The following CLUL1 variants were observed in gnomAD, a reference collection of about 807,000 sequenced individuals.
The protein encoded by CLUL1 is clusterin-like protein 1.
CLUL1 carries 43 observed loss-of-function variants against 49.4 expected under a neutral mutation model. That is an observed-to-expected ratio of 0.87 (90% CI 0.68 to 1.12). CLUL1 has a LOEUF of 1.12. Ranked by LOEUF, CLUL1 falls within the 50% of genes most tolerant of loss-of-function variation. The pLI is 0.00. For synonymous variants in CLUL1, 192 were observed against 184.9 expected (o/e 1.04, Z -0.31); for missense variants, 486 against 544.4 (o/e 0.89, Z 1.07).
chr18:647,313 C>T (rs949847933), intron 9 of CLUL1, among the ~76,000 whole-genome samples: 7 of 152,156 alleles, frequency 4.6e-5, no homozygotes, highest in African/African-American at 1.7e-4. Context: ...CACTGTGGGG[C>T]CTTTGAGTTT....
At chr18:605,311 T>G (rs1226434159) in intron 1 of CLUL1, among the ~76,000 whole-genome samples, 6 of 152,236 alleles carry the variant, frequency 3.9e-5, no homozygotes, top group Non-Finnish European at 8.8e-5. Flanking sequence ...AGGAACATTC[T>G]GTACAGTCAC....
At chr18:626,677 G>A (rs571220472) in intron 5 of CLUL1, among the ~76,000 whole-genome samples, 8 of 150,460 alleles carry the variant, frequency 5.3e-5, no homozygotes, top group Admixed American at 2.7e-4. Flanking sequence ...TGGGCAACAC[G>A]GTAAAACCCT....
intron 7 of CLUL1, among the ~76,000 whole-genome samples, chr18:634,799 A>T (rs1308815662): frequency 6.6e-6 from 1 of 152,088 alleles, no homozygotes; most frequent in African/African-American, 2.4e-5. Flanking sequence ...TTCCCCAGGA[A>T]GGAAATCATT....
intron 1 of CLUL1, among the ~76,000 whole-genome samples, chr18:600,477 TGTG>T (rs1190070338): frequency 1.6e-4 from 25 of 152,374 alleles, no homozygotes; most frequent in Non-Finnish European, 3.5e-4. Flanking sequence ...GTACAGTAGT[TGTG>T]TCTGTATATT....
At chr18:626,797 G>A (rs1567966119) in intron 5 of CLUL1, among the ~76,000 whole-genome samples, 1 of 147,630 alleles carries the variant, frequency 6.8e-6, no homozygotes, top group South Asian at 2.2e-4. Flanking sequence ...GGAGGCGGAG[G>A]TTGCAGTGAG....
intron 6 of CLUL1, among the ~76,000 whole-genome samples, chr18:632,941 G>A (rs905056680): frequency 6.6e-6 from 1 of 152,092 alleles, no homozygotes; most frequent in Admixed American, 6.5e-5. Context: ...GATCATTTGA[G>A]GTCAGGAGTT....
chr18:632,530 G>A (rs2074020226), intron 6 of CLUL1, among the ~76,000 whole-genome samples: 1 of 151,960 alleles, frequency 6.6e-6, no homozygotes, highest in African/African-American at 2.4e-5. Flanking sequence ...AGAAAAAGTG[G>A]TTCACAATCA....
chr18:645,792 T>A lies in CLUL1; in HGVS notation c.1397+695T>A, dbSNP rs2074463291. Among the ~76,000 whole-genome samples, 3 of 16,090 alleles carry A rather than the reference T, an allele frequency of 1.9e-4. 1 individual carries two copies. The highest frequency in any genetic ancestry group is 2.6e-4 in the African/African-American group (1 of 3,914). 10.6% of individuals were successfully genotyped at this position (16,090 alleles called of 152,430 possible). ...CTGGGCGACAGAGCGAGACTCTGTT[T>A]AAAAAAAAAAAAAAAAAAATATATA... On this transcript the variant is annotated intron_variant, in intron 9 of 9. Coordinates refer to ENST00000692774, the MANE Select transcript of CLUL1 (RefSeq NM_001393344.1).
At chr18:612,142 C>T (rs1443680337) in intron 2 of CLUL1, among the ~76,000 whole-genome samples, 1 of 152,240 alleles carries the variant, frequency 6.6e-6, no homozygotes, top group Non-Finnish European at 1.5e-5. Context: ...ACCTTGCTTT[C>T]CCATAGTCCA....
At chr18:621,305 T>C (rs1280163555) in intron 4 of CLUL1, among the ~76,000 whole-genome samples, 49 of 152,190 alleles carry the variant, frequency 3.2e-4, no homozygotes, top group Admixed American at 3.2e-3. Flanking sequence ...CTGAGGATCA[T>C]GGCCTCTGGG....
rs1448839404 is a variant in CLUL1, at chr18:618,117, T to C, written c.106+11T>C. ...GTGAAAACCTGAAGAGTACGTTTGG[T>C]TTCTTATCTGTGCTGTGTCCTGTTT... is the stretch of plus-strand genomic sequence containing the variant. On this transcript the variant is annotated intron_variant, in intron 3 of 9. Coordinates refer to ENST00000692774, the MANE Select transcript of CLUL1 (RefSeq NM_001393344.1). The surrounding 1 kb of genome is among the most constrained non-coding windows in gnomAD (Gnocchi z 4.2). 1.9e-6 allele frequency: 3 copies of C among 1,596,256 alleles called. No individual in the cohort carries two copies. The highest frequency in any genetic ancestry group is 2.6e-6 in the Non-Finnish European group (3 of 1,163,760).
Position 619,345 on chromosome 18 carries a change from G to T in CLUL1, c.239G>T (p.Cys80Phe). Residue 80 changes from cysteine to phenylalanine, a missense_variant, in exon 4 of 10, where the codon TGC becomes TTC. By Grantham distance (205) the Cys-to-Phe change is radical. Transcript: ENST00000692774. ...AATCTAATGAGCACCCTGAAGAAAT[G>T]CAGAGAAGAAAAGCAGGTACAGTCA... Reference protein sequence around the residue: ...HTNLMSTLKKCREEKQEALKL... With the variant: ...HTNLMSTLKKFREEKQEALKL... 6.2e-7 allele frequency: 1 copy of T among 1,612,360 alleles called. No homozygotes were observed. The highest frequency in any genetic ancestry group is 8.5e-7 in the Non-Finnish European group (1 of 1,179,412).
At chr18:641,580 G>A (rs374602774) in intron 8 of CLUL1, 39 bp downstream of exon 8, 32 of 1,489,532 alleles carry the variant, frequency 2.1e-5, no homozygotes, top group Middle Eastern at 2.0e-4. Context: ...GAAATGACAC[G>A]TGCATACCTT....
At chr18:598,605 C>G (rs1338599265) in intron 1 of CLUL1, 1 of 398,382 alleles carries the variant, frequency 2.5e-6, no homozygotes, top group Non-Finnish European at 4.4e-6. Flanking sequence ...TCAGATCACC[C>G]TGGGGTTTGT....
intron 9 of CLUL1, 106 bp downstream of exon 9, chr18:645,203 C>A: frequency 8.6e-6 from 7 of 810,868 alleles, no homozygotes; most frequent in South Asian, 2.9e-5. Context: ...TGTTTAACCT[C>A]ATTAATAAAG....
Position 618,231 on chromosome 18 carries a change from C to T in CLUL1, c.106+125C>T, listed in dbSNP as rs1234167025. On this transcript the variant is annotated intron_variant, in intron 3 of 9. Transcript: ENST00000692774. This position sits in a 1 kb window ranked among gnomAD's most constrained non-coding sequence, Gnocchi z 4.2. Reference sequence around the variant, plus strand: ...TTTTCACGGTGAAACGTTCTCAAGGCGCTTAAACCAGGTCATCCTGACGCC... The same window carrying T: ...TTTTCACGGTGAAACGTTCTCAAGGTGCTTAAACCAGGTCATCCTGACGCC... 5.7e-6 allele frequency: 4 copies of T among 696,888 alleles called. No homozygotes were observed. Among genetic ancestry groups the T allele is most frequent in the East Asian group, 5.6e-5 (2 of 35,986 alleles). 43.2% of individuals were successfully genotyped at this position (696,888 alleles called of 1,614,324 possible). A position where few individuals can be genotyped will look rare whatever the true frequency, so the allele number is the denominator to read the frequency against.
chr18:626,180 T>G (rs2073684437), intron 5 of CLUL1, among the ~76,000 whole-genome samples: 1 of 152,198 alleles, frequency 6.6e-6, no homozygotes, highest in Admixed American at 6.5e-5. Flanking sequence ...TGGTGCCATC[T>G]TGGCTTACTG....
intron 2 of CLUL1, among the ~76,000 whole-genome samples, chr18:611,228 C>G (rs1016412018): frequency 3.5e-5 from 4 of 113,582 alleles, no homozygotes; most frequent in Non-Finnish European, 7.0e-5. Context: ...ATAACCCACC[C>G]CCCACCTTTT....
At chr18:637,096 C>A (rs946996523) in intron 7 of CLUL1, among the ~76,000 whole-genome samples, 5 of 152,044 alleles carry the variant, frequency 3.3e-5, no homozygotes, top group African/African-American at 1.2e-4. Context: ...ATGCCATTCT[C>A]CTGCCTCAGC....
Sources: gnomAD v4.1 joint callset for allele counts (sites outside exome capture counted in the v4.1 genomes callset) on GRCh38, gnomAD v4.1.1 for gene constraint, Gnocchi (gnomAD v3.1) non-coding constraint, MANE v1.5 for transcripts, NCBI Gene and HGNC (gene_info 2026-07-23, HGNC 2026-07-21) for gene names.